Variants in FAM107B observed in about 807,000 individuals in gnomAD.
FAM107B encodes the protein family with sequence similarity 107 member B, also known as protein FAM107B.
Under a neutral mutation model 31.5 loss-of-function variants are expected in FAM107B, and 21 were observed. The observed-to-expected ratio is 0.67, with a 90% CI of 0.47 to 0.96. The LOEUF (loss-of-function observed/expected upper bound fraction) is 0.96, where lower values mean the gene tolerates loss of function less well. FAM107B is among the 40% of genes least tolerant of loss of function. FAM107B has a pLI of 0.00. For missense variants in FAM107B, 452 were observed against 377.1 expected (o/e 1.20, Z -1.64); for synonymous variants, 157 against 141.5 (o/e 1.11, Z -0.78).
At chr10:14,703,344 T>TC (rs1259375738) in intron 1 of FAM107B, among the ~76,000 whole-genome samples, 1 of 150,946 alleles carries the variant, frequency 6.6e-6, no homozygotes, top group Non-Finnish European at 1.5e-5. Context: ...TTTTTTTTTT[T>TC]CTGAGACAGA....
intron 2 of FAM107B, among the ~76,000 whole-genome samples, chr10:14,594,222 C>T (rs952628778): frequency 6.6e-6 from 1 of 152,136 alleles, no homozygotes; most frequent in Non-Finnish European, 1.5e-5. Flanking sequence ...CCCCTTAAAA[C>T]TACAATTTTC....
Position 14,608,917 on chromosome 10 carries a change from G to A in FAM107B, c.469+58717C>T, listed in dbSNP as rs186817892. Among the ~76,000 whole-genome samples, 92 of 152,288 alleles carry A rather than the reference G, an allele frequency of 6.0e-4. 1 individual carries two copies. Among genetic ancestry groups the A allele is most frequent in the Admixed American group, 1.6e-3 (24 of 15,296 alleles). ...AATCAGACATGAGGAACTACAGAATGGAGGGCAAAGTAACAGGTGCTAACA... is the reference window on the plus strand; with the variant it reads ...AATCAGACATGAGGAACTACAGAATAGAGGGCAAAGTAACAGGTGCTAACA... On this transcript the variant is annotated intron_variant, in intron 2 of 4. Transcript: ENST00000181796.
chr10:14,569,938 A>C (rs1357849815), intron 2 of FAM107B, among the ~76,000 whole-genome samples: 1 of 152,206 alleles, frequency 6.6e-6, no homozygotes, highest in Non-Finnish European at 1.5e-5. Context: ...CGGAAACCAG[A>C]AACTAGGGCA....
chr10:14,624,920 T>C (rs1853116858), intron 2 of FAM107B, among the ~76,000 whole-genome samples: 2 of 152,138 alleles, frequency 1.3e-5, no homozygotes, highest in East Asian at 1.9e-4. Context: ...GACAATAGTT[T>C]TGTTGATCAG....
chr10:14,533,907 G>C (rs79060155), intron 2 of FAM107B, among the ~76,000 whole-genome samples: 1 of 152,124 alleles, frequency 6.6e-6, no homozygotes, highest in African/African-American at 2.4e-5. Flanking sequence ...AGAGAGACAC[G>C]GGCACTGCGA....
chr10:14,751,726 A>C (rs181814916), intron 1 of FAM107B, among the ~76,000 whole-genome samples: 84 of 152,232 alleles, frequency 5.5e-4, no homozygotes, highest in African/African-American at 2.0e-3. Flanking sequence ...CCAGAGATCT[A>C]TCGACCCTAC....
intron 1 of FAM107B, among the ~76,000 whole-genome samples, chr10:14,773,820 TA>T (rs1160015998): frequency 2.0e-5 from 3 of 152,246 alleles, no homozygotes; most frequent in Admixed American, 6.5e-5. Context: ...TGATTCATTT[TA>T]AGTAGAGGCA....
At chr10:14,579,016 C>G (rs1851550957) in intron 2 of FAM107B, among the ~76,000 whole-genome samples, 1 of 152,116 alleles carries the variant, frequency 6.6e-6, no homozygotes, top group Non-Finnish European at 1.5e-5. Flanking sequence ...GAAAAAAAAG[C>G]TACACTCCTT....
intron 2 of FAM107B, among the ~76,000 whole-genome samples, chr10:14,568,654 G>A (rs1850914197): frequency 6.6e-6 from 1 of 152,272 alleles, no homozygotes; most frequent in African/African-American, 2.4e-5. Context: ...AGACCAGGAG[G>A]TGAAGATACT....
chr10:14,737,207 C>T (rs1296279787), intron 1 of FAM107B, among the ~76,000 whole-genome samples: 1 of 151,806 alleles, frequency 6.6e-6, no homozygotes, highest in Non-Finnish European at 1.5e-5. Flanking sequence ...TGTAGGGCTT[C>T]TCTTTTATTC....
chr10:14,719,809 T>C (rs1443900082), intron 1 of FAM107B, among the ~76,000 whole-genome samples: 1 of 152,186 alleles, frequency 6.6e-6, no homozygotes, highest in Non-Finnish European at 1.5e-5. Context: ...GTCCCTCTCA[T>C]CCAAAGGGTG....
intron 1 of FAM107B, among the ~76,000 whole-genome samples, chr10:14,707,386 C>T (rs1855546975): frequency 7.4e-6 from 1 of 134,628 alleles, no homozygotes; most frequent in Admixed American, 8.1e-5. Context: ...CAAAGAGGGA[C>T]TGCATCATCA....
intron 2 of FAM107B, among the ~76,000 whole-genome samples, chr10:14,557,642 C>A (rs917307032): frequency 6.6e-6 from 1 of 152,240 alleles, no homozygotes; most frequent in African/African-American, 2.4e-5. Context: ...ACTGCTACTA[C>A]TGGTTAACAT....
rs376046969 is a variant in FAM107B at position 14,572,740 on chromosome 10, TATATA to T, written c.470-42230_470-42226del. Among the ~76,000 whole-genome samples the T allele has an allele frequency of 3.9e-3, 343 of 87,758 alleles. 24 individuals carry two copies. In the East Asian group the frequency reaches 0.11, roughly 28 times the overall value. 57.6% of individuals were successfully genotyped at this position (87,758 alleles called of 152,430 possible). A position where few individuals can be genotyped will look rare whatever the true frequency, so the allele number is the denominator to read the frequency against. On this transcript the variant is annotated intron_variant, in intron 2 of 4. Coordinates refer to ENST00000181796, the MANE Select transcript of FAM107B (RefSeq NM_031453.4). Reference sequence around the variant, plus strand: ...ATCTCTTCAAAAAAAAAAAAAAATTTATATATATATATATATATATTAGAGTGTGT... The same window carrying T: ...ATCTCTTCAAAAAAAAAAAAAAATTTTATATATATATATATTAGAGTGTGT...
At chr10:14,692,862 T>C (rs2131511966) in intron 1 of FAM107B, among the ~76,000 whole-genome samples, 1 of 152,308 alleles carries the variant, frequency 6.6e-6, no homozygotes, top group Non-Finnish European at 1.5e-5. Flanking sequence ...GAATAAAATA[T>C]GTGGCCAGTG....
At chr10:14,596,855 G>T (rs1221264283) in intron 2 of FAM107B, among the ~76,000 whole-genome samples, 4 of 152,174 alleles carry the variant, frequency 2.6e-5, no homozygotes, top group Non-Finnish European at 5.9e-5. Context: ...GGACAAGCAG[G>T]CATAAAGAAT....
At chr10:14,536,729 CAG>C (rs1420305584) in intron 2 of FAM107B, among the ~76,000 whole-genome samples, 11 of 152,148 alleles carry the variant, frequency 7.2e-5, no homozygotes, top group Admixed American at 6.6e-4. Context: ...GACGTCCCAC[CAG>C]AGTCATCAGC....
chr10:14,711,998 T>C (rs1252934911), intron 1 of FAM107B, among the ~76,000 whole-genome samples: 2 of 152,242 alleles, frequency 1.3e-5, no homozygotes, highest in African/African-American at 2.4e-5. Context: ...TGTGCAGTGC[T>C]ACATGTGGGT....
intron 1 of FAM107B, among the ~76,000 whole-genome samples, chr10:14,683,475 G>A (rs1465668847): frequency 6.6e-6 from 1 of 152,220 alleles, no homozygotes. Context: ...TTCAGAACCA[G>A]TTGTGTAGGA....
Sources: allele counts gnomAD v4.1 joint callset (sites outside exome capture counted in the v4.1 genomes callset), GRCh38; gene constraint gnomAD v4.1.1; transcripts MANE v1.5; gene names NCBI Gene and HGNC (gene_info 2026-07-23, HGNC 2026-07-21).